PRKAR1B: variants seen among roughly 807,000 people sequenced by gnomAD.
PRKAR1B encodes cAMP-dependent protein kinase type I-beta regulatory subunit.
Under a neutral mutation model 46.5 loss-of-function variants are expected in PRKAR1B, and 22 were observed. The observed-to-expected ratio is 0.47, with a 90% CI of 0.34 to 0.68. The LOEUF is 0.68. PRKAR1B is among the 30% of genes least tolerant of loss of function. The probability of loss-of-function intolerance (pLI) is 0.01; values close to 1 mark genes in which losing one functional copy is unlikely to be tolerated. For synonymous variants in PRKAR1B, 259 were observed against 217.7 expected (o/e 1.19, Z -1.67); for missense variants, 445 against 535.6 (o/e 0.83, Z 1.67).
chr7:573,661 T>C (rs1343086018), intron 9 of PRKAR1B, among the ~76,000 whole-genome samples: 2 of 152,188 alleles, frequency 1.3e-5, no homozygotes, highest in African/African-American at 4.8e-5. Flanking sequence ...CTGCGGGGCC[T>C]GGCTCCCACA....
rs11545042 is a variant in PRKAR1B at position 550,562 on chromosome 7, A to G, written c.1014T>C (p.Thr338=). The G allele has an allele frequency of 0.13, 205,530 of 1,598,392 alleles. 14,221 individuals are homozygous for G. The highest frequency in any genetic ancestry group is 0.25 in the East Asian group (11,158 of 44,540). The change falls in exon 11 of 11, where the codon ACT becomes ACC. Residue 338 remains threonine (T), a synonymous_variant. Coordinates refer to ENST00000537384, the MANE Select transcript of PRKAR1B (RefSeq NM_001164760.2). The part of the protein sequence containing the change: ...ALLLNRPRAA[T]VVARGPLKCV... Reference sequence around the variant, plus strand: ...ACTTGAGGGGCCCCCGGGCCACGACAGTGGCCGCCCGGGGCCGGTTCAGCA... The same window carrying G: ...ACTTGAGGGGCCCCCGGGCCACGACGGTGGCCGCCCGGGGCCGGTTCAGCA...
intron 1 of PRKAR1B, among the ~76,000 whole-genome samples, chr7:724,674 C>G (rs144621355): frequency 6.6e-6 from 1 of 152,350 alleles, no homozygotes; most frequent in East Asian, 1.9e-4. Context: ...CCTTAAAAGT[C>G]TAGTTCAACA....
intron 1 of PRKAR1B, among the ~76,000 whole-genome samples, chr7:719,420 C>A (rs549999789): frequency 9.2e-5 from 14 of 152,064 alleles, no homozygotes; most frequent in African/African-American, 3.4e-4. Context: ...CTCAAGCAAT[C>A]CTCCTGCCTC....
chr7:617,608 A>C (rs966836887), intron 4 of PRKAR1B, among the ~76,000 whole-genome samples: 1 of 152,204 alleles, frequency 6.6e-6, no homozygotes, highest in Non-Finnish European at 1.5e-5. Context: ...CCTGTAGGTT[A>C]AGAACAGTCA....
At chr7:701,360 G>A (rs1780061678) in intron 2 of PRKAR1B, among the ~76,000 whole-genome samples, 1 of 151,918 alleles carries the variant, frequency 6.6e-6, no homozygotes, top group South Asian at 2.1e-4. Flanking sequence ...GAAAGAAAGA[G>A]ATTTAACAGA....
At chr7:679,100 T>C (rs569042611) in intron 3 of PRKAR1B, among the ~76,000 whole-genome samples, 1 of 152,300 alleles carries the variant, frequency 6.6e-6, no homozygotes. Flanking sequence ...AAAAAATATA[T>C]ATAAATGTTT....
intron 2 of PRKAR1B, 30 bp from the exon 3 acceptor site, chr7:680,756 A>C: frequency 2.5e-6 from 4 of 1,613,254 alleles, no homozygotes; most frequent in Non-Finnish European, 2.5e-6. Context: ...ACAGAAAGGA[A>C]GTAAGAACCT....
At chr7:600,696 G>T (rs1781540119) in intron 6 of PRKAR1B, among the ~76,000 whole-genome samples, 1 of 152,160 alleles carries the variant, frequency 6.6e-6, no homozygotes, top group Non-Finnish European at 1.5e-5. Flanking sequence ...CGTCAGTGGG[G>T]ACGTCGTGAT....
In PRKAR1B at chr7:550,201, C is replaced by T; in HGVS notation, c.*229G>A. The T allele has an allele frequency of 1.8e-6, 1 of 550,138 alleles. No individual in the cohort carries two copies. Among genetic ancestry groups the T allele is most frequent in the Non-Finnish European group, 3.3e-6 (1 of 306,834 alleles). The allele number at this position is 550,138 out of a possible 1,614,324, so 34.1% of individuals were successfully genotyped here. Reference sequence around the variant, plus strand: ...GCGTGTGGGGAGGAAGCTGGCCTGTCCCTTCCTTGATCTTGGGATGCATTT... The same window carrying T: ...GCGTGTGGGGAGGAAGCTGGCCTGTTCCTTCCTTGATCTTGGGATGCATTT... On this transcript the variant is annotated 3_prime_UTR_variant, in exon 11 of 11. Transcript: ENST00000537384.
intron 4 of PRKAR1B, among the ~76,000 whole-genome samples, chr7:663,598 G>A (rs1261867235): frequency 6.6e-6 from 1 of 152,128 alleles, no homozygotes; most frequent in Non-Finnish European, 1.5e-5. Flanking sequence ...AGGAGGGGAG[G>A]GGACGGCTGT....
chr7:628,060 C>T (rs1173164853), intron 4 of PRKAR1B, among the ~76,000 whole-genome samples: 1 of 152,170 alleles, frequency 6.6e-6, no homozygotes, highest in Non-Finnish European at 1.5e-5. Context: ...TGAAGGCCCC[C>T]CGAACTCATC....
chr7:632,830 T>G (rs944805661), intron 4 of PRKAR1B, among the ~76,000 whole-genome samples: 1 of 134,758 alleles, frequency 7.4e-6, no homozygotes, highest in African/African-American at 2.8e-5. Flanking sequence ...GGTCTGGGAC[T>G]CTACGGGGCT....
intron 4 of PRKAR1B, among the ~76,000 whole-genome samples, chr7:615,703 C>T (rs1782768743): frequency 6.7e-6 from 1 of 150,282 alleles, no homozygotes. Flanking sequence ...TGGCAGGCGC[C>T]TGTAGTCCCA....
rs758718267 is a variant in PRKAR1B at position 711,319 on chromosome 7, G to T, written c.177+10C>A. ...GCGAAGGGAAGCAGCGGGCGGCGGG[G>T]GCCACTCACCTTCTCCAGCTTCTCG... On this transcript the variant is annotated intron_variant, in intron 2 of 10. Coordinates refer to ENST00000537384, the MANE Select transcript of PRKAR1B (RefSeq NM_001164760.2). The T allele has an allele frequency of 6.2e-7, 1 of 1,613,796 alleles. No homozygotes were observed.
chr7:676,629 G>T (rs1211081648), intron 4 of PRKAR1B, among the ~76,000 whole-genome samples: 2 of 152,234 alleles, frequency 1.3e-5, no homozygotes, highest in Non-Finnish European at 2.9e-5. Flanking sequence ...CGGCAGCAGG[G>T]CAGGTGCACG....
rs900207276 is a variant in PRKAR1B, at chr7:644,315, G to C, written c.440+32914C>G. ...CTGGAATCACTCACTCCCGGCTCCT[G>C]CTCCACCCCACACTGTGAGGAGCTG... On this transcript the variant is annotated intron_variant, in intron 4 of 10. Coordinates refer to ENST00000537384, the MANE Select transcript of PRKAR1B (RefSeq NM_001164760.2). The surrounding 1 kb of genome is among the most constrained non-coding windows in gnomAD (Gnocchi z 4.9). Among the ~76,000 whole-genome samples, 1 of 152,154 alleles carries C rather than the reference G, an allele frequency of 6.6e-6. No individual in the cohort carries two copies. Among genetic ancestry groups the C allele is most frequent in the Non-Finnish European group, 1.5e-5 (1 of 68,024 alleles).
At chr7:703,660 A>C (rs1780175030) in intron 2 of PRKAR1B, among the ~76,000 whole-genome samples, 1 of 151,850 alleles carries the variant, frequency 6.6e-6, no homozygotes, top group South Asian at 2.1e-4. Flanking sequence ...TGTCTCAAAA[A>C]AAAAAAAAAA....
intron 2 of PRKAR1B, among the ~76,000 whole-genome samples, chr7:700,986 G>A (rs1046254870): frequency 2.6e-5 from 4 of 152,062 alleles, no homozygotes; most frequent in Non-Finnish European, 5.9e-5. Context: ...TCAGGAGTTC[G>A]AGAGCAGCCT....
At chr7:664,416 G>A (rs983531738) in intron 4 of PRKAR1B, among the ~76,000 whole-genome samples, 4 of 152,182 alleles carry the variant, frequency 2.6e-5, no homozygotes, top group South Asian at 2.1e-4. Flanking sequence ...TTCCCTGCCC[G>A]GGGCAGTGGG....
Sources: gnomAD v4.1 joint callset for allele counts (sites outside exome capture counted in the v4.1 genomes callset) on GRCh38, gnomAD v4.1.1 for gene constraint, Gnocchi (gnomAD v3.1) non-coding constraint, MANE v1.5 for transcripts, NCBI Gene and HGNC (gene_info 2026-07-23, HGNC 2026-07-21) for gene names.